PDZRN4: variants seen among roughly 807,000 people sequenced by gnomAD.
The protein encoded by PDZRN4 is PDZ domain containing ring finger 4, also known as PDZ domain-containing RING finger protein 4.
PDZRN4 carries 70 observed loss-of-function variants against 99.0 expected under a neutral mutation model. That is an observed-to-expected ratio of 0.71 (90% CI 0.58 to 0.86). The LOEUF is 0.86. Ranked by LOEUF, PDZRN4 falls within the 40% of genes least tolerant of loss-of-function variation. The pLI is 0.00. For missense variants in PDZRN4, 1,474 were observed against 1,331.2 expected (o/e 1.11, Z -1.67); for synonymous variants, 551 against 501.6 (o/e 1.10, Z -1.32).
At position 41,552,684 on chromosome 12, in the gene PDZRN4, A is replaced by G. The variant is rs1374279786; in HGVS notation, c.1232A>G (p.Gln411Arg). The G allele has an allele frequency of 1.2e-6, 2 of 1,613,732 alleles. No homozygotes were observed. The highest frequency in any genetic ancestry group is 2.7e-5 in the African/African-American group (2 of 74,904). The change falls in exon 6 of 10, where the codon CAA (glutamine) becomes CGA (arginine). Residue 411 changes from glutamine to arginine, a missense_variant. By Grantham distance (43) the Gln-to-Arg change is conservative. Coordinates refer to ENST00000402685, the MANE Select transcript of PDZRN4 (RefSeq NM_001164595.2). ...GTCGAGTTGTGTCGTGTTAGCAGTC[A>G]AGAGAAGCTGGGCCTGACAGTCTGT... ...EEVELCRVSS[Q>R]EKLGLTVCYR...
intron 3 of PDZRN4, among the ~76,000 whole-genome samples, chr12:41,373,658 CA>C (rs1368677863): frequency 6.6e-6 from 1 of 152,026 alleles, no homozygotes; most frequent in African/African-American, 2.4e-5. Flanking sequence ...ACATGCTCTA[CA>C]AACAATTTGT....
chr12:41,224,726 AATTCCTG>A (rs760179375), intron 3 of PDZRN4, among the ~76,000 whole-genome samples: 4 of 152,180 alleles, frequency 2.6e-5, no homozygotes, highest in Non-Finnish European at 4.4e-5. Flanking sequence ...AAGAAGTCAA[AATTCCTG>A]ACTCTTAATT....
chr12:41,558,558 A>G (rs1459834970), intron 7 of PDZRN4, among the ~76,000 whole-genome samples: 1 of 151,196 alleles, frequency 6.6e-6, no homozygotes, highest in Non-Finnish European at 1.5e-5. Flanking sequence ...GTGTTTCCAT[A>G]CATGCATACT....
chr12:41,506,398 T>C, intron 3 of PDZRN4, 58 bp from the exon 4 acceptor site: 1 of 1,493,766 alleles, frequency 6.7e-7, no homozygotes, highest in Non-Finnish European at 9.0e-7. Context: ...TATTAATCTA[T>C]CATGACAGCC....
At chr12:41,314,371 T>C (rs1951625867) in intron 3 of PDZRN4, among the ~76,000 whole-genome samples, 2 of 152,180 alleles carry the variant, frequency 1.3e-5, no homozygotes, top group Non-Finnish European at 2.9e-5. Flanking sequence ...TCCTTAGTGC[T>C]CATGATATCA....
At chr12:41,215,405 G>C (rs774020890) in intron 3 of PDZRN4, among the ~76,000 whole-genome samples, 1 of 152,018 alleles carries the variant, frequency 6.6e-6, no homozygotes, top group Non-Finnish European at 1.5e-5. Flanking sequence ...CTAAGGTCTA[G>C]ACTACTCAGA....
At position 41,484,164 on chromosome 12, in the gene PDZRN4, T is replaced by C. The variant is rs189546328; in HGVS notation, c.844-22292T>C. On this transcript the variant is annotated intron_variant, in intron 3 of 9. Transcript: ENST00000402685. ...AACTTATTAGTGTCCTATAGCAAAA[T>C]TGAGGGAGGATTTTTCCTCACAAGT... Among the ~76,000 whole-genome samples, 805 of 152,226 alleles carry C rather than the reference T, an allele frequency of 5.3e-3. 2 individuals carry two copies. Among genetic ancestry groups the C allele is most frequent in the Non-Finnish European group, 8.5e-3 (577 of 68,002 alleles).
chr12:41,331,888 C>T (rs985249180), intron 3 of PDZRN4, among the ~76,000 whole-genome samples: 2 of 152,152 alleles, frequency 1.3e-5, no homozygotes, highest in African/African-American at 4.8e-5. Flanking sequence ...AACTACAATT[C>T]AATGTGAGAT....
chr12:41,297,749 G>A (rs942205045), intron 3 of PDZRN4, among the ~76,000 whole-genome samples: 5 of 151,986 alleles, frequency 3.3e-5, no homozygotes, highest in African/African-American at 4.8e-5. Context: ...TATAACTTGT[G>A]CCCTAAGCCC....
At chr12:41,208,734 A>G (rs1022882735) in intron 3 of PDZRN4, among the ~76,000 whole-genome samples, 2 of 151,964 alleles carry the variant, frequency 1.3e-5, no homozygotes, top group African/African-American at 4.8e-5. Context: ...AAATAACTCA[A>G]TAGTAAGAAG....
chr12:41,195,154 CT>C (rs1479775365), intron 3 of PDZRN4, among the ~76,000 whole-genome samples: 1 of 152,192 alleles, frequency 6.6e-6, no homozygotes, highest in Non-Finnish European at 1.5e-5. Flanking sequence ...TCCCTGCCAT[CT>C]GCCATCTCTG....
At chr12:41,228,837 C>G (rs1194395589) in intron 3 of PDZRN4, among the ~76,000 whole-genome samples, 1 of 152,004 alleles carries the variant, frequency 6.6e-6, no homozygotes. Context: ...GTGATTTTCT[C>G]AAACTCTTTG....
At chr12:41,549,824 A>G (rs995811775) in intron 5 of PDZRN4, among the ~76,000 whole-genome samples, 3 of 152,194 alleles carry the variant, frequency 2.0e-5, no homozygotes, top group Non-Finnish European at 4.4e-5. Context: ...GGGGACAAGC[A>G]AAATGGCAAA....
At chr12:41,541,193 G>A (rs1483260995) in intron 5 of PDZRN4, among the ~76,000 whole-genome samples, 2 of 151,706 alleles carry the variant, frequency 1.3e-5, no homozygotes, top group Non-Finnish European at 2.9e-5. Flanking sequence ...GCCTTCCAAC[G>A]TGCTGGGAAT....
At chr12:41,352,805 A>G (rs1951900631) in intron 3 of PDZRN4, among the ~76,000 whole-genome samples, 1 of 152,180 alleles carries the variant, frequency 6.6e-6, no homozygotes, top group African/African-American at 2.4e-5. Flanking sequence ...GCATTGATAC[A>G]AAGAATTATA....
intron 3 of PDZRN4, among the ~76,000 whole-genome samples, chr12:41,492,370 A>G (rs1452816782): frequency 6.6e-6 from 1 of 152,188 alleles, no homozygotes; most frequent in East Asian, 1.9e-4. Flanking sequence ...CACAAAAATT[A>G]AGAAAAGGGT....
chr12:41,435,451 T>C (rs1952620655), intron 3 of PDZRN4, among the ~76,000 whole-genome samples: 1 of 152,202 alleles, frequency 6.6e-6, no homozygotes, highest in Admixed American at 6.5e-5. Context: ...GTGAGCCATC[T>C]TTGCCTTACT....
intron 3 of PDZRN4, among the ~76,000 whole-genome samples, chr12:41,227,920 C>CACACACACACACACA: frequency 8.2e-6 from 1 of 122,462 alleles, no homozygotes; most frequent in African/African-American, 2.9e-5. Flanking sequence ...CACACACACA[C>CACACACACACACACA]CAGAAGGGTT....
chr12:41,460,355 A>G (rs1302135003), intron 3 of PDZRN4, among the ~76,000 whole-genome samples: 2 of 152,206 alleles, frequency 1.3e-5, no homozygotes, highest in Admixed American at 6.5e-5. Context: ...TCTAGTGCAT[A>G]ATTTTTAACA....
Sources: gnomAD v4.1 joint callset for allele counts (sites outside exome capture counted in the v4.1 genomes callset) on GRCh38, gnomAD v4.1.1 for gene constraint, MANE v1.5 for transcripts, NCBI Gene and HGNC (gene_info 2026-07-23, HGNC 2026-07-21) for gene names.